GRIN2B: variants seen among roughly 807,000 people sequenced by gnomAD.
GRIN2B encodes the protein glutamate ionotropic receptor NMDA type subunit 2B, also known as glutamate receptor ionotropic, NMDA 2B.
GRIN2B carries 5 observed loss-of-function variants against 114.5 expected under a neutral mutation model. The ratio of observed to expected loss-of-function variants is 0.04; its 90% CI spans 0.02 to 0.09. The LOEUF (loss-of-function observed/expected upper bound fraction) is 0.09, where lower values mean the gene tolerates loss of function less well. Among genes scored for constraint, GRIN2B ranks in the 10% least tolerant of loss-of-function variants. The pLI, the probability that GRIN2B is intolerant of heterozygous loss-of-function variation, is 1.00. For missense variants in GRIN2B, 1,108 were observed against 1,943.5 expected, an observed-to-expected ratio of 0.57 and a Z score of 8.08; for synonymous variants, 787 against 745.1, an observed-to-expected ratio of 1.06 and a Z score of -0.92.
chr12:13,578,012 T>C (rs1948800290), intron 10 of GRIN2B, among the ~76,000 whole-genome samples: 1 of 152,234 alleles, frequency 6.6e-6, no homozygotes, highest in Admixed American at 6.5e-5. Context: ...CAGAAGAGTA[T>C]GATCTTGCCT....
At chr12:13,940,681 A>G (rs1867228158) in intron 2 of GRIN2B, among the ~76,000 whole-genome samples, 1 of 152,298 alleles carries the variant, frequency 6.6e-6, no homozygotes, top group East Asian at 1.9e-4. Context: ...GGAAATCATT[A>G]AACACTCAAC....
chr12:13,608,703 A>G lies in GRIN2B; in HGVS notation c.1910T>C (p.Phe637Ser). The G allele has an allele frequency of 6.2e-7, 1 of 1,614,134 alleles. No homozygotes were observed. ...GCTGGCCAGGAAGATGACAGCAAAGAAGGCCCACACTGACACCATGATCTT... is the reference window on the plus strand; with the variant it reads ...GCTGGCCAGGAAGATGACAGCAAAGGAGGCCCACACTGACACCATGATCTT... Reference protein sequence around the residue: ...TSKIMVSVWAFFAVIFLASYT... With the variant: ...TSKIMVSVWASFAVIFLASYT... Residue 637 changes from phenylalanine to serine, a missense_variant, in exon 10 of 14, where the codon TTC becomes TCC. This residue lies in a region of GRIN2B where 8 missense variants were observed against 87.9 expected (regional missense o/e 0.09). Coordinates refer to ENST00000609686, the MANE Select transcript of GRIN2B (RefSeq NM_000834.5).
chr12:13,605,551 T>TCTCTCTCTCACACACACACACA, intron 10 of GRIN2B, among the ~76,000 whole-genome samples: 1 of 30,446 alleles, frequency 3.3e-5, no homozygotes, highest in Non-Finnish European at 7.3e-5. Flanking sequence ...TCTCTCTCTC[T>TCTCTCTCTCACACACACACACA]GACACACACA....
intron 2 of GRIN2B, among the ~76,000 whole-genome samples, chr12:13,959,188 G>A (rs1472456286): frequency 6.6e-6 from 1 of 152,160 alleles, no homozygotes; most frequent in East Asian, 1.9e-4. Flanking sequence ...TAAAGGAGGT[G>A]ACAGACAGAG....
chr12:13,793,913 T>A (rs1944241058), intron 3 of GRIN2B, among the ~76,000 whole-genome samples: 1 of 150,520 alleles, frequency 6.6e-6, no homozygotes, highest in South Asian at 2.1e-4. Flanking sequence ...TGGAAGTGGA[T>A]AAAAAGGGCC....
chr12:13,791,311 G>A (rs1038029885), intron 3 of GRIN2B, among the ~76,000 whole-genome samples: 1 of 151,932 alleles, frequency 6.6e-6, no homozygotes, highest in African/African-American at 2.4e-5. Context: ...AATTAACTGG[G>A]TGTGGTGGCG....
intron 2 of GRIN2B, among the ~76,000 whole-genome samples, chr12:13,888,902 CACT>C (rs1170314057): frequency 6.6e-6 from 1 of 151,870 alleles, no homozygotes; most frequent in Non-Finnish European, 1.5e-5. Context: ...CATTACTGTA[CACT>C]ACTATAGACT....
Position 13,922,643 on chromosome 12 carries a change from T to C in GRIN2B, c.-18-56417A>G, listed in dbSNP as rs76280998. Among the ~76,000 whole-genome samples, 118 of 152,322 alleles carry C rather than the reference T, an allele frequency of 7.7e-4. 3 individuals carry two copies. In the East Asian group the frequency reaches 0.021, roughly 27 times the overall value. On this transcript the variant is annotated intron_variant, in intron 2 of 13. Coordinates refer to ENST00000609686, the MANE Select transcript of GRIN2B (RefSeq NM_000834.5). ...GTGGCACCCGTGGTAAGTCCGGTTT[T>C]ATTTAACATCTTAGTTAATGATCTG...
At chr12:13,888,251 G>A (rs193268541) in intron 2 of GRIN2B, among the ~76,000 whole-genome samples, 350 of 152,226 alleles carry the variant, frequency 2.3e-3, no homozygotes, top group African/African-American at 8.0e-3. Context: ...ACTTCCACAA[G>A]CCAAGTTGGT....
In GRIN2B at chr12:13,886,217, T is replaced by G. The variant is rs533575373; in HGVS notation, c.-18-19991A>C. Among the ~76,000 whole-genome samples the G allele has an allele frequency of 2.0e-5, 3 of 152,370 alleles. No individual in the cohort carries two copies. The East Asian group carries it at 5.8e-4, about 29-fold the overall frequency. On this transcript the variant is annotated intron_variant, in intron 2 of 13. Transcript: ENST00000609686. Reference sequence around the variant, plus strand: ...TTATTTTCAGTTTAATATTTACCGGTGTATGTACTGGTTTGATGTTCAATG... The same window carrying G: ...TTATTTTCAGTTTAATATTTACCGGGGTATGTACTGGTTTGATGTTCAATG...
Position 13,563,386 on chromosome 12 carries a change from G to T in GRIN2B, c.3852C>A (p.Ser1284Arg). 6.2e-7 allele frequency: 1 copy of T among 1,614,184 alleles called. No homozygotes were observed. ...SNASTTKYPQ[S>R]PTNSKAQKKN... ...TCTTCTGGGCCTTGGAATTAGTCGG[G>T]CTCTGAGGGTACTTAGTGGTGGAGG... The change falls in exon 14 of 14, where the codon AGC (serine) becomes AGA (arginine). Residue 1284 changes from serine (S) to arginine (R), a missense_variant. Around this residue, in one of 19 missense-constraint regions of GRIN2B, gnomAD observed 478 missense variants for 506.0 expected, o/e 0.94. Transcript: ENST00000609686.
intron 10 of GRIN2B, among the ~76,000 whole-genome samples, chr12:13,584,714 G>A (rs1450665535): frequency 6.6e-6 from 1 of 152,216 alleles, no homozygotes; most frequent in Non-Finnish European, 1.5e-5. Flanking sequence ...ACTTGACAAT[G>A]CATATGAATA....
intron 3 of GRIN2B, among the ~76,000 whole-genome samples, chr12:13,792,203 G>C (rs755186958): frequency 6.6e-6 from 1 of 152,242 alleles, no homozygotes; most frequent in Admixed American, 6.5e-5. Context: ...CCAGCATTTT[G>C]AGTGCTTGGG....
chr12:13,956,886 G>C (rs964154240), intron 2 of GRIN2B, among the ~76,000 whole-genome samples: 2 of 152,176 alleles, frequency 1.3e-5, no homozygotes, highest in Non-Finnish European at 1.5e-5. Flanking sequence ...TGCAATTAAA[G>C]ACTCTGAATT....
chr12:13,943,496 C>T (rs554136894), intron 2 of GRIN2B, among the ~76,000 whole-genome samples: 1 of 152,132 alleles, frequency 6.6e-6, no homozygotes, highest in African/African-American at 2.4e-5. Context: ...TTTGCCATGG[C>T]CTTCAAAGCC....
intron 2 of GRIN2B, among the ~76,000 whole-genome samples, chr12:13,940,073 A>G (rs987832953): frequency 6.6e-5 from 10 of 152,124 alleles, no homozygotes; most frequent in African/African-American, 2.4e-4. Context: ...AGAGTTTGCA[A>G]TCTGTAGATT....
intron 12 of GRIN2B, among the ~76,000 whole-genome samples, chr12:13,569,007 C>T (rs903886970): frequency 2.6e-5 from 4 of 152,146 alleles, no homozygotes; most frequent in African/African-American, 4.8e-5. Flanking sequence ...TTTATTTCTC[C>T]GCCCTACCTC....
chr12:13,587,224 C>T (rs2136434863), intron 10 of GRIN2B, among the ~76,000 whole-genome samples: 1 of 152,262 alleles, frequency 6.6e-6, no homozygotes, highest in African/African-American at 2.4e-5. Context: ...GTGGCCTGAA[C>T]TTAGACTGGT....
In GRIN2B at chr12:13,865,943, A is replaced by G. The variant is rs753848286; in HGVS notation, c.266T>C (p.Met89Thr). ...KSIITRICDL[M>T]SDRKIQGVVF... ...CACCCCCTGGATCTTCCGGTCAGAC[A>G]TGAGATCACAGATGCGGGTGATGAT... The change falls in exon 3 of 14, where the codon ATG (methionine) becomes ACG (threonine). Residue 89 changes from methionine to threonine, a missense_variant. Around this residue, in one of 19 missense-constraint regions of GRIN2B, gnomAD observed 199 missense variants for 439.6 expected, o/e 0.45. Coordinates refer to ENST00000609686, the MANE Select transcript of GRIN2B (RefSeq NM_000834.5). 1.2e-6 allele frequency: 2 copies of G among 1,614,092 alleles called. No individual in the cohort carries two copies. The highest frequency in any genetic ancestry group is 1.7e-6 in the Non-Finnish European group (2 of 1,179,998).
Sources: gnomAD v4.1 joint callset for allele counts (sites outside exome capture counted in the v4.1 genomes callset) on GRCh38, gnomAD v4.1.1 for gene constraint, gnomAD v4.1.1 regional missense constraint, MANE v1.5 for transcripts, NCBI Gene and HGNC (gene_info 2026-07-23, HGNC 2026-07-21) for gene names.